DPYD: variants seen among roughly 807,000 people sequenced by gnomAD.
The protein encoded by DPYD is dihydropyrimidine dehydrogenase [NADP(+)].
A neutral mutation model predicts 116.2 loss-of-function variants in DPYD; 109 were observed. That is an observed-to-expected ratio of 0.94 (90% CI 0.80 to 1.10). The LOEUF is 1.10. Among genes scored for constraint, DPYD ranks in the 50% least tolerant of loss-of-function variants. The pLI is 0.00. For missense variants in DPYD, 1,302 were observed against 1,254.5 expected (o/e 1.04, Z -0.57); for synonymous variants, 440 against 432.0 (o/e 1.02, Z -0.23).
chr1:97,145,526 A>G (rs1038281902), intron 20 of DPYD, among the ~76,000 whole-genome samples: 5 of 152,152 alleles, frequency 3.3e-5, no homozygotes, highest in African/African-American at 1.2e-4. Flanking sequence ...GGGCCAGACA[A>G]TCACAGAGCA....
chr1:97,139,324 G>A (rs1654037882), intron 20 of DPYD, among the ~76,000 whole-genome samples: 2 of 152,014 alleles, frequency 1.3e-5, no homozygotes, highest in Non-Finnish European at 2.9e-5. Context: ...AAACTGCAAA[G>A]TGTTTTTTGT....
intron 20 of DPYD, among the ~76,000 whole-genome samples, chr1:97,152,298 G>C (rs1019142459): frequency 7.2e-5 from 11 of 152,140 alleles, no homozygotes; most frequent in Admixed American, 2.0e-4. Context: ...TTCAAGAGCT[G>C]GGAATGAATG....
intron 18 of DPYD, among the ~76,000 whole-genome samples, chr1:97,256,279 C>A (rs1166139808): frequency 2.0e-5 from 3 of 152,100 alleles, no homozygotes; most frequent in Admixed American, 6.6e-5. Context: ...CCAAGCTTCT[C>A]TCTCCCTCCC....
chr1:97,238,494 T>G (rs1570735683), intron 18 of DPYD, among the ~76,000 whole-genome samples: 1 of 152,288 alleles, frequency 6.6e-6, no homozygotes, highest in Non-Finnish European at 1.5e-5. Flanking sequence ...ATGTAGAATT[T>G]ATTTTTAGTT....
At chr1:97,713,945 C>T (rs568871134) in intron 5 of DPYD, among the ~76,000 whole-genome samples, 1 of 151,952 alleles carries the variant, frequency 6.6e-6, no homozygotes, top group East Asian at 1.9e-4. Flanking sequence ...AATCTATATC[C>T]TATTTATAAA....
In DPYD at chr1:97,295,688, C is replaced by T. The variant is rs1331169474; in HGVS notation, c.2299+9571G>A. On this transcript the variant is annotated intron_variant, in intron 18 of 22. Coordinates refer to ENST00000370192, the MANE Select transcript of DPYD (RefSeq NM_000110.4). The stretch of plus-strand genomic sequence containing the variant: ...TCAAGCAATCTGCCCGCCGCAGCTT[C>T]CCGAAGTGCTGGGATTCCATGTGTG... 3.5e-6 allele frequency: 3 copies of T among 864,348 alleles called. No homozygotes were observed. In the African/African-American group the frequency reaches 5.5e-5, roughly 16 times the overall value. 53.5% of individuals were successfully genotyped at this position (864,348 alleles called of 1,614,324 possible).
intron 16 of DPYD, among the ~76,000 whole-genome samples, chr1:97,368,123 A>G (rs1341237931): frequency 6.6e-6 from 1 of 152,102 alleles, no homozygotes; most frequent in Non-Finnish European, 1.5e-5. Context: ...AAAAAGGTAT[A>G]GTAGGGAGTA....
In DPYD at chr1:97,285,355, C is replaced by G. The variant is rs1665598797; in HGVS notation, c.2299+19904G>C. Among the ~76,000 whole-genome samples, 3 of 152,126 alleles carry G rather than the reference C, an allele frequency of 2.0e-5. No individual in the cohort carries two copies. In the South Asian group the frequency reaches 6.2e-4, roughly 32 times the overall value. The stretch of plus-strand genomic sequence containing the variant: ...CCTATGGCATCAGAACAAGAGCAAT[C>G]CTGCTTGCCTTAAAGTAGGTATAAA... On this transcript the variant is annotated intron_variant, in intron 18 of 22. Transcript: ENST00000370192.
At chr1:97,256,596 G>A (rs1483654219) in intron 18 of DPYD, among the ~76,000 whole-genome samples, 3 of 152,024 alleles carry the variant, frequency 2.0e-5, no homozygotes, top group Non-Finnish European at 1.5e-5. Context: ...TGATTGTGAG[G>A]CCTCCCCAGC....
chr1:97,546,071 AG>A (rs142396798), intron 12 of DPYD: 32,639 of 1,396,064 alleles, frequency 0.023, 529 homozygotes, highest in Non-Finnish European at 0.028. Context: ...ACATCACAGT[AG>A]GATCCTTAGT....
intron 3 of DPYD, among the ~76,000 whole-genome samples, chr1:97,760,117 A>G (rs1366045419): frequency 1.3e-5 from 2 of 152,154 alleles, no homozygotes; most frequent in Non-Finnish European, 2.9e-5. Flanking sequence ...GAAGTACGTA[A>G]AGCACTCAGG....
chr1:97,819,700 C>G (rs1037540689), intron 3 of DPYD, among the ~76,000 whole-genome samples: 2 of 151,928 alleles, frequency 1.3e-5, no homozygotes, highest in Admixed American at 6.6e-5. Context: ...TTGCTAATCT[C>G]AAATACTTAG....
At chr1:97,718,415 T>C (rs1662736233) in intron 5 of DPYD, among the ~76,000 whole-genome samples, 2 of 151,972 alleles carry the variant, frequency 1.3e-5, no homozygotes, top group Non-Finnish European at 2.9e-5. Context: ...AAGAGGTATA[T>C]ATCATAAGAT....
At chr1:97,869,159 T>C (rs912856170) in intron 2 of DPYD, among the ~76,000 whole-genome samples, 7 of 151,880 alleles carry the variant, frequency 4.6e-5, no homozygotes, top group Non-Finnish European at 8.8e-5. Flanking sequence ...GTCATAGATA[T>C]CTAGGAGAGA....
intron 1 of DPYD, among the ~76,000 whole-genome samples, chr1:97,902,178 A>G (rs1304105062): frequency 6.6e-6 from 1 of 151,702 alleles, no homozygotes; most frequent in Non-Finnish European, 1.5e-5. Flanking sequence ...GCCACAAGGG[A>G]CCTCTATTTA....
At chr1:97,478,995 A>C (rs1678151024) in intron 13 of DPYD, among the ~76,000 whole-genome samples, 2 of 152,164 alleles carry the variant, frequency 1.3e-5, no homozygotes, top group African/African-American at 4.8e-5. Context: ...ACAGAATTGG[A>C]GCACGTCAAG....
intron 8 of DPYD, among the ~76,000 whole-genome samples, chr1:97,607,373 G>A (rs896610285): frequency 1.3e-5 from 2 of 151,708 alleles, no homozygotes; most frequent in Non-Finnish European, 2.9e-5. Flanking sequence ...CTACTGCACT[G>A]TGATTCAGTA....
intron 1 of DPYD, among the ~76,000 whole-genome samples, chr1:97,884,849 A>C (rs376436373): frequency 1.1e-4 from 16 of 152,182 alleles, no homozygotes; most frequent in African/African-American, 3.1e-4. Context: ...TATTCCTGTA[A>C]AATAGTAATT....
intron 16 of DPYD, among the ~76,000 whole-genome samples, chr1:97,349,331 GTTAT>G (rs1670016616): frequency 6.7e-6 from 1 of 149,666 alleles, no homozygotes; most frequent in South Asian, 2.1e-4. Context: ...TTTTTTTGGA[GTTAT>G]TTCTTTTTAT....
Sources: gnomAD v4.1 joint callset for allele counts (sites outside exome capture counted in the v4.1 genomes callset) on GRCh38, gnomAD v4.1.1 for gene constraint, MANE v1.5 for transcripts, NCBI Gene and HGNC (gene_info 2026-07-23, HGNC 2026-07-21) for gene names.